Variants in GRIK2 observed in about 807,000 individuals in gnomAD.
GRIK2 encodes glutamate ionotropic receptor kainate type subunit 2.
A neutral mutation model predicts 100.3 loss-of-function variants in GRIK2; 32 were observed. The observed-to-expected ratio is 0.32, with a 90% CI of 0.24 to 0.43. The LOEUF (loss-of-function observed/expected upper bound fraction) is 0.43, where lower values mean the gene tolerates loss of function less well. Ranked by LOEUF, GRIK2 falls within the 20% of genes least tolerant of loss-of-function variation. GRIK2 has a pLI of 1.00. For missense variants in GRIK2, 843 were observed against 1,114.9 expected (o/e 0.76, Z 3.47); for synonymous variants, 417 against 389.4 (o/e 1.07, Z -0.83).
intron 7 of GRIK2, among the ~76,000 whole-genome samples, chr6:101,791,911 T>A (rs1779894815): frequency 6.6e-6 from 1 of 152,034 alleles, no homozygotes; most frequent in Non-Finnish European, 1.5e-5. Context: ...TGCATATATA[T>A]TTAGGATAGT....
chr6:101,888,473 T>A (rs1283639922), intron 11 of GRIK2, among the ~76,000 whole-genome samples: 1 of 152,174 alleles, frequency 6.6e-6, no homozygotes, highest in Non-Finnish European at 1.5e-5. Flanking sequence ...GATTTATGAA[T>A]ATGAAATGTG....
intron 7 of GRIK2, among the ~76,000 whole-genome samples, chr6:101,687,722 CCGT>C (rs1181678276): frequency 3.3e-5 from 5 of 151,656 alleles, no homozygotes; most frequent in Non-Finnish European, 7.4e-5. Flanking sequence ...CAAAATATAT[CCGT>C]ATGAATTTGT....
At chr6:101,818,583 T>C in intron 10 of GRIK2, 100 bp downstream of exon 10, 2 of 674,644 alleles carry the variant, frequency 3.0e-6, no homozygotes, top group South Asian at 3.7e-5. Context: ...ACAGAATGTA[T>C]TTTACAGTTA....
At chr6:101,612,975 T>C (rs1287713618) in intron 2 of GRIK2, among the ~76,000 whole-genome samples, 1 of 151,702 alleles carries the variant, frequency 6.6e-6, no homozygotes, top group Non-Finnish European at 1.5e-5. Flanking sequence ...AGATTAGTCA[T>C]TGAAAGATTT....
chr6:102,022,648 TAAG>T (rs1377384214), intron 14 of GRIK2, among the ~76,000 whole-genome samples: 4 of 151,704 alleles, frequency 2.6e-5, no homozygotes, highest in African/African-American at 9.7e-5. Context: ...CTGTCAGAAT[TAAG>T]AAAGATGTAT....
In GRIK2 at chr6:101,974,801, T is replaced by C. The variant is rs78035794; in HGVS notation, c.2085+46169T>C. Among the ~76,000 whole-genome samples the C allele has an allele frequency of 8.3e-3, 1,262 of 152,048 alleles. 17 individuals carry two copies. Among genetic ancestry groups the C allele is most frequent in the African/African-American group, 0.029 (1,195 of 41,506 alleles). ...ATAGCTGGGTACTAACCTAGCCAGA[T>C]TGATACATAAAACTAACTATCACAG... On this transcript the variant is annotated intron_variant, in intron 14 of 16. Transcript: ENST00000369134.
intron 14 of GRIK2, among the ~76,000 whole-genome samples, chr6:101,988,810 G>C (rs528357460): frequency 6.6e-6 from 1 of 151,970 alleles, no homozygotes; most frequent in East Asian, 1.9e-4. Flanking sequence ...ATAGTTAACT[G>C]CATAAATACT....
intron 7 of GRIK2, among the ~76,000 whole-genome samples, chr6:101,702,955 C>T (rs75497927): frequency 6.6e-6 from 1 of 151,780 alleles, no homozygotes; most frequent in Non-Finnish European, 1.5e-5. Context: ...CAAGGGTATC[C>T]TTTTGATGCA....
At chr6:101,937,119 C>T (rs192465898) in intron 14 of GRIK2, among the ~76,000 whole-genome samples, 156 of 152,170 alleles carry the variant, frequency 1.0e-3, no homozygotes, top group Admixed American at 2.3e-3. Flanking sequence ...CAGCTTTGGG[C>T]GCTTTAACTG....
chr6:101,865,530 A>C (rs529051899), intron 11 of GRIK2, among the ~76,000 whole-genome samples: 1 of 152,298 alleles, frequency 6.6e-6, no homozygotes, highest in South Asian at 2.1e-4. Flanking sequence ...CATAGCTTTA[A>C]ATTTTGACAG....
intron 2 of GRIK2, among the ~76,000 whole-genome samples, chr6:101,614,076 T>C (rs1582827677): frequency 6.6e-6 from 1 of 151,620 alleles, no homozygotes; most frequent in East Asian, 1.9e-4. Context: ...ATAAAGGCAA[T>C]CTATGTATCT....
At chr6:101,555,096 T>G (rs1776676178) in intron 2 of GRIK2, among the ~76,000 whole-genome samples, 1 of 152,220 alleles carries the variant, frequency 6.6e-6, no homozygotes. Flanking sequence ...TCAGACTCCT[T>G]TTACCATTAA....
chr6:101,938,849 C>T (rs544388394), intron 14 of GRIK2, among the ~76,000 whole-genome samples: 6 of 151,960 alleles, frequency 3.9e-5, no homozygotes, highest in South Asian at 2.1e-4. Flanking sequence ...TCAGGGTTGG[C>T]GATAAAATGT....
At chr6:101,837,393 A>G (rs1257953000) in intron 10 of GRIK2, among the ~76,000 whole-genome samples, 2 of 152,166 alleles carry the variant, frequency 1.3e-5, no homozygotes, top group Non-Finnish European at 2.9e-5. Flanking sequence ...GATCTTAACT[A>G]TTCTTACCAC....
intron 4 of GRIK2, among the ~76,000 whole-genome samples, chr6:101,639,570 G>A (rs754554448): frequency 1.1e-4 from 17 of 151,824 alleles, no homozygotes; most frequent in Non-Finnish European, 2.5e-4. Flanking sequence ...CAGTCTGGGC[G>A]AGAGAGCGAC....
chr6:101,717,048 C>T (rs1176142539), intron 7 of GRIK2, among the ~76,000 whole-genome samples: 1 of 151,848 alleles, frequency 6.6e-6, no homozygotes, highest in Non-Finnish European at 1.5e-5. Flanking sequence ...ATCTTTTCCC[C>T]TTAGCAAATT....
At chr6:101,470,783 A>G (rs1322937371) in intron 2 of GRIK2, among the ~76,000 whole-genome samples, 2 of 152,130 alleles carry the variant, frequency 1.3e-5, no homozygotes, top group East Asian at 3.9e-4. Context: ...AATCAATGCT[A>G]GAAATCATCA....
rs1276353670 is a variant in GRIK2, at chr6:101,705,891, TAAAA to T, written c.951+19542_951+19545del. Among the ~76,000 whole-genome samples, 5 of 151,816 alleles carry T rather than the reference TAAAA, an allele frequency of 3.3e-5. No homozygotes were observed. In the East Asian group the frequency reaches 9.7e-4, roughly 29 times the overall value. On this transcript the variant is annotated intron_variant, in intron 7 of 16. Transcript: ENST00000369134. ...ATAAATTCTTTAAGAAGTGCAACAA[TAAAA>T]AAACAAATCAGCAATGTTAAAAAAT...
At chr6:101,394,277 G>A (rs1774914438) in intron 1 of GRIK2, among the ~76,000 whole-genome samples, 1 of 152,110 alleles carries the variant, frequency 6.6e-6, no homozygotes, top group African/African-American at 2.4e-5. Flanking sequence ...TTAGTTCTGC[G>A]CTGAGGAAGT....
Sources: allele counts gnomAD v4.1 joint callset (sites outside exome capture counted in the v4.1 genomes callset), GRCh38; gene constraint gnomAD v4.1.1; transcripts MANE v1.5; gene names NCBI Gene and HGNC (gene_info 2026-07-23, HGNC 2026-07-21).